The following PPFIBP2 variants were observed in gnomAD, a reference collection of about 807,000 sequenced individuals.
The protein encoded by PPFIBP2 is PPFIB scaffold protein 2, also known as liprin-beta-2.
A neutral mutation model predicts 118.3 loss-of-function variants in PPFIBP2; 118 were observed. The observed-to-expected ratio is 1.00, with a 90% CI of 0.86 to 1.16. The LOEUF (loss-of-function observed/expected upper bound fraction) is 1.16. Among genes scored for constraint, PPFIBP2 ranks in the 50% most tolerant of loss-of-function variants. The probability of loss-of-function intolerance (pLI) is 0.00; values close to 1 mark genes in which losing one functional copy is unlikely to be tolerated. For missense variants in PPFIBP2, 1,195 were observed against 1,073.1 expected (o/e 1.11, Z -1.59); for synonymous variants, 414 against 397.4 (o/e 1.04, Z -0.50).
intron 3 of PPFIBP2, among the ~76,000 whole-genome samples, chr11:7,589,143 T>C (rs563747124): frequency 4.6e-5 from 7 of 152,308 alleles, no homozygotes; most frequent in African/African-American, 1.2e-4. Flanking sequence ...CAGCTTACCA[T>C]TGGCAGGTCT....
rs147945896 is a variant in PPFIBP2, at chr11:7,542,422, C to T, written c.-36-7018C>T. ...TTATTTCTTTTAATCTTAATCACCA[C>T]TATATATCCACACAATTTAAAGACT... On this transcript the variant is annotated intron_variant, in intron 1 of 23. Transcript: ENST00000299492. 8.0e-3 allele frequency among the ~76,000 whole-genome samples: 1,212 copies of T among 152,246 alleles called. 10 individuals are homozygous for T. Among genetic ancestry groups the T allele is most frequent in the African/African-American group, 0.028 (1,146 of 41,538 alleles).
At position 7,625,796 on chromosome 11, in the gene PPFIBP2, A is replaced by G. The variant is rs1210153240; in HGVS notation, c.731A>G (p.Gln244Arg). ...TTCCAGGCTGAAGTCGCCCAGCTGC[A>G]AGAACAGGTGGCCCTGAAAGATGCA... is the stretch of plus-strand genomic sequence containing the variant. Reference protein sequence around the residue: ...KATKAEVAQLQEQVALKDAEI... With the variant: ...KATKAEVAQLREQVALKDAEI... The change falls in exon 8 of 24, where the codon CAA becomes CGA. Residue 244 changes from glutamine to arginine, a missense_variant. Gln to Arg is a conservative substitution (Grantham distance 43). Transcript: ENST00000299492. The G allele has an allele frequency of 6.2e-7, 1 of 1,614,224 alleles. No homozygotes were observed. Among genetic ancestry groups the G allele is most frequent in the Non-Finnish European group, 8.5e-7 (1 of 1,180,024 alleles).
chr11:7,637,957 G>A (rs935481970), intron 14 of PPFIBP2, among the ~76,000 whole-genome samples: 3 of 152,254 alleles, frequency 2.0e-5, no homozygotes, highest in Middle Eastern at 3.4e-3. Flanking sequence ...TGCCTTGAGG[G>A]AGCATGCGTG....
chr11:7,646,974 A>G lies in PPFIBP2; in HGVS notation c.1647-1413A>G, dbSNP rs530038022. ...TCAAATTTTATACTATTTTGAAGAG[A>G]AAGTTTGTAAGTTCCAGGCCTCGTA... is the stretch of plus-strand genomic sequence containing the variant. On this transcript the variant is annotated intron_variant, in intron 17 of 23. Transcript: ENST00000299492. Among the ~76,000 whole-genome samples, 18 of 152,192 alleles carry G rather than the reference A, an allele frequency of 1.2e-4. No individual in the cohort carries two copies. The South Asian group carries it at 2.1e-3, about 18-fold the overall frequency.
chr11:7,516,353 T>A (rs535499783), intron 1 of PPFIBP2, among the ~76,000 whole-genome samples: 1 of 152,106 alleles, frequency 6.6e-6, no homozygotes, highest in South Asian at 2.1e-4. Flanking sequence ...ATAGAATCTG[T>A]AGGACAGAGG....
At position 7,601,584 on chromosome 11, in the gene PPFIBP2, G is replaced by A. The variant is rs144550859; in HGVS notation, c.486+3911G>A. On this transcript the variant is annotated intron_variant, in intron 5 of 23. Coordinates refer to ENST00000299492, the MANE Select transcript of PPFIBP2 (RefSeq NM_003621.5). ...ACAGCTACAAGCATCTCTCAGGACT[G>A]CCTATGGAAGCACCTAGTCAGATGT... Among the ~76,000 whole-genome samples the A allele has an allele frequency of 2.8e-3, 419 of 152,270 alleles. 3 individuals are homozygous for A. Among genetic ancestry groups the A allele is most frequent in the Middle Eastern group, 0.014 (4 of 294 alleles).
intron 23 of PPFIBP2, among the ~76,000 whole-genome samples, chr11:7,652,616 C>T (rs532494930): frequency 1.8e-4 from 28 of 152,318 alleles, no homozygotes; most frequent in African/African-American, 5.8e-4. Flanking sequence ...CTATCCTACG[C>T]GCCTTTAGAT....
intron 6 of PPFIBP2, among the ~76,000 whole-genome samples, chr11:7,613,609 C>T (rs1006430160): frequency 6.6e-6 from 1 of 152,088 alleles, no homozygotes; most frequent in Non-Finnish European, 1.5e-5. Context: ...AAAGTAAATA[C>T]CAAAATCAAG....
intron 1 of PPFIBP2, among the ~76,000 whole-genome samples, chr11:7,518,983 G>A (rs1379554411): frequency 2.0e-5 from 3 of 152,138 alleles, no homozygotes; most frequent in African/African-American, 4.8e-5. Flanking sequence ...GTAAGGTGGC[G>A]GGATGGGTTT....
At chr11:7,545,570 G>A (rs1439156351) in intron 1 of PPFIBP2, among the ~76,000 whole-genome samples, 1 of 152,140 alleles carries the variant, frequency 6.6e-6, no homozygotes, top group Non-Finnish European at 1.5e-5. Context: ...AACTTCATCA[G>A]AGGTCTGTAG....
chr11:7,647,658 A>G (rs1417144242), intron 17 of PPFIBP2, among the ~76,000 whole-genome samples: 1 of 152,216 alleles, frequency 6.6e-6, no homozygotes, highest in Non-Finnish European at 1.5e-5. Context: ...CATACGTTAC[A>G]TATGTTTATA....
chr11:7,640,698 G>A (rs549926205), intron 15 of PPFIBP2, among the ~76,000 whole-genome samples: 3 of 152,316 alleles, frequency 2.0e-5, no homozygotes, highest in Non-Finnish European at 2.9e-5. Context: ...TCTAGTCTGA[G>A]CTGAGTGAGC....
In PPFIBP2 at chr11:7,651,798, T is replaced by C. The variant is rs77873429; in HGVS notation, c.2390T>C (p.Met797Thr). 0.021 allele frequency: 34,141 copies of C among 1,613,078 alleles called. 3,023 individuals are homozygous for C. The African/African-American group carries it at 0.27, about 13-fold the overall frequency. Reference sequence around the variant, plus strand: ...GCTGAACAGGAGAAGCGAGAGAAAATGGCCTCACCAGCTTACACACCACTG... The same window carrying C: ...GCTGAACAGGAGAAGCGAGAGAAAACGGCCTCACCAGCTTACACACCACTG... ...PEAEQEKREK[M>T]ASPAYTPLTT... Residue 797 changes from methionine (M) to threonine (T), a missense_variant, in exon 23 of 24, where the codon ATG (methionine) becomes ACG (threonine). Coordinates refer to ENST00000299492, the MANE Select transcript of PPFIBP2 (RefSeq NM_003621.5).
intron 3 of PPFIBP2, among the ~76,000 whole-genome samples, chr11:7,585,560 T>C (rs747068738): frequency 9.9e-5 from 15 of 152,182 alleles, no homozygotes; most frequent in Non-Finnish European, 1.6e-4. Context: ...CCAGAGCACA[T>C]GTGAAGAGTG....
chr11:7,522,224 C>T (rs79101585), intron 1 of PPFIBP2, among the ~76,000 whole-genome samples: 2,981 of 152,166 alleles, frequency 0.02, 101 homozygotes, highest in African/African-American at 0.067. Flanking sequence ...GCCAAGAAAT[C>T]CGGCAGGATT....
chr11:7,523,926 G>A (rs1470352870), intron 1 of PPFIBP2, among the ~76,000 whole-genome samples: 1 of 152,216 alleles, frequency 6.6e-6, no homozygotes, highest in Non-Finnish European at 1.5e-5. Flanking sequence ...ACAGTAACTT[G>A]TGTGCATGGT....
chr11:7,518,892 A>G (rs1283204902), intron 1 of PPFIBP2, among the ~76,000 whole-genome samples: 3 of 152,226 alleles, frequency 2.0e-5, no homozygotes, highest in African/African-American at 7.2e-5. Context: ...GAGAGAAGGA[A>G]GAAGTCAGAA....
chr11:7,665,210 T>C, the PPFIBP2 span: 2 of 564,510 alleles, frequency 3.5e-6, no homozygotes, highest in Non-Finnish European at 3.0e-6. Flanking sequence ...TCCAGCCCCT[T>C]GAGCCCTTTT....
chr11:7,580,269 C>T (rs2135004124), intron 3 of PPFIBP2, among the ~76,000 whole-genome samples: 1 of 152,338 alleles, frequency 6.6e-6, no homozygotes, highest in East Asian at 1.9e-4. Flanking sequence ...CTCCCCACCT[C>T]CTGTAGCCCA....
Sources: allele counts gnomAD v4.1 joint callset (sites outside exome capture counted in the v4.1 genomes callset), GRCh38; gene constraint gnomAD v4.1.1; transcripts MANE v1.5; gene names NCBI Gene and HGNC (gene_info 2026-07-23, HGNC 2026-07-21).